Variants in GPC5 observed in about 807,000 individuals in gnomAD.
GPC5 encodes glypican-5.
Under a neutral mutation model 53.9 loss-of-function variants are expected in GPC5, and 47 were observed. That is an observed-to-expected ratio of 0.87 (90% CI 0.69 to 1.11). GPC5 has a LOEUF of 1.11. Ranked by LOEUF, GPC5 falls within the 50% of genes most tolerant of loss-of-function variation. The probability of loss-of-function intolerance (pLI) is 0.00; values close to 1 mark genes in which losing one functional copy is unlikely to be tolerated. For missense variants in GPC5, 748 were observed against 713.1 expected (o/e 1.05, Z -0.56); for synonymous variants, 286 against 263.3 (o/e 1.09, Z -0.84).
intron 4 of GPC5, among the ~76,000 whole-genome samples, chr13:91,731,328 C>A (rs925428759): frequency 1.3e-5 from 2 of 152,058 alleles, no homozygotes; most frequent in African/African-American, 4.8e-5. Context: ...GCCAAATAGG[C>A]GAGGTAAGTA....
intron 7 of GPC5, among the ~76,000 whole-genome samples, chr13:92,722,853 AG>A (rs1451686299): frequency 2.6e-5 from 4 of 151,882 alleles, no homozygotes; most frequent in African/African-American, 9.7e-5. Flanking sequence ...ACTAAATTTT[AG>A]ATTACTTGCC....
intron 6 of GPC5, among the ~76,000 whole-genome samples, chr13:92,012,264 C>A (rs1049970929): frequency 6.6e-6 from 1 of 151,750 alleles, no homozygotes; most frequent in Non-Finnish European, 1.5e-5. Context: ...TTTTCATTTT[C>A]TTTTTGCCTT....
chr13:92,384,219 G>A (rs1375418419), intron 7 of GPC5, among the ~76,000 whole-genome samples: 1 of 151,642 alleles, frequency 6.6e-6, no homozygotes, highest in Non-Finnish European at 1.5e-5. Flanking sequence ...ACAGGAAATG[G>A]GGCAGCTATT....
intron 7 of GPC5, among the ~76,000 whole-genome samples, chr13:92,486,427 C>T (rs1047345636): frequency 1.3e-5 from 2 of 152,082 alleles, no homozygotes; most frequent in African/African-American, 2.4e-5. Context: ...GAAACCACAT[C>T]GAACTTGCTT....
At chr13:92,026,280 A>G (rs1387234467) in intron 6 of GPC5, among the ~76,000 whole-genome samples, 1 of 151,934 alleles carries the variant, frequency 6.6e-6, no homozygotes, top group Non-Finnish European at 1.5e-5. Context: ...ATATTTCTAT[A>G]TTTTGCATAT....
intron 7 of GPC5, among the ~76,000 whole-genome samples, chr13:92,853,757 A>G (rs539307928): frequency 6.6e-6 from 1 of 152,304 alleles, no homozygotes; most frequent in East Asian, 1.9e-4. Context: ...CAGACACAAC[A>G]GAGAAAATGA....
At chr13:92,382,500 A>G (rs992751442) in intron 7 of GPC5, among the ~76,000 whole-genome samples, 6 of 152,154 alleles carry the variant, frequency 3.9e-5, no homozygotes, top group African/African-American at 1.4e-4. Context: ...CCTGTTACTG[A>G]TCACCATGAA....
At chr13:92,115,486 A>G (rs996595232) in intron 6 of GPC5, among the ~76,000 whole-genome samples, 1 of 152,178 alleles carries the variant, frequency 6.6e-6, no homozygotes, top group Non-Finnish European at 1.5e-5. Flanking sequence ...ACCTGGCAAC[A>G]GAATGAGACT....
intron 7 of GPC5, among the ~76,000 whole-genome samples, chr13:92,254,006 C>T: frequency 6.6e-6 from 1 of 152,112 alleles, no homozygotes; most frequent in South Asian, 2.1e-4. Context: ...GATTCCACCC[C>T]TAAGCTTGAA....
chr13:92,573,962 T>C (rs1292274993), intron 7 of GPC5, among the ~76,000 whole-genome samples: 7 of 152,156 alleles, frequency 4.6e-5, no homozygotes, highest in Non-Finnish European at 5.9e-5. Flanking sequence ...CGTCATCCAG[T>C]GAACAGCAAT....
chr13:92,007,846 T>G (rs9589402), intron 6 of GPC5, among the ~76,000 whole-genome samples: 4,587 of 152,214 alleles, frequency 0.03, 157 homozygotes, highest in African/African-American at 0.087. Flanking sequence ...CAAGATGAAA[T>G]AGGCACTGGC....
At chr13:92,829,167 T>C (rs1877959555) in intron 7 of GPC5, among the ~76,000 whole-genome samples, 1 of 152,126 alleles carries the variant, frequency 6.6e-6, no homozygotes, top group Non-Finnish European at 1.5e-5. Flanking sequence ...GGAATGCCCA[T>C]ATGTCAAGAT....
chr13:91,867,660 TTG>T (rs2039099401), intron 5 of GPC5, among the ~76,000 whole-genome samples: 1 of 152,180 alleles, frequency 6.6e-6, no homozygotes, highest in African/African-American at 2.4e-5. Flanking sequence ...TACTAAAAAG[TTG>T]TTTCTTAGAA....
At chr13:91,473,701 A>G (rs1882768380) in intron 2 of GPC5, among the ~76,000 whole-genome samples, 1 of 152,146 alleles carries the variant, frequency 6.6e-6, no homozygotes, top group Non-Finnish European at 1.5e-5. Context: ...CAGGCAGTTC[A>G]CCATTTTATT....
At chr13:92,855,108 A>G (rs1292474385) in intron 7 of GPC5, among the ~76,000 whole-genome samples, 2 of 152,008 alleles carry the variant, frequency 1.3e-5, no homozygotes, top group Non-Finnish European at 2.9e-5. Context: ...TTCAGAAGAA[A>G]AAGAATGTTT....
chr13:91,666,795 A>G (rs1246521890), intron 2 of GPC5, among the ~76,000 whole-genome samples: 5 of 152,120 alleles, frequency 3.3e-5, no homozygotes, highest in Non-Finnish European at 5.9e-5. Context: ...ATGCTAGTTT[A>G]TTTTAACTTA....
At chr13:92,495,955 A>G (rs1199412481) in intron 7 of GPC5, among the ~76,000 whole-genome samples, 1 of 151,998 alleles carries the variant, frequency 6.6e-6, no homozygotes, top group Non-Finnish European at 1.5e-5. Context: ...GCTTTTCAAC[A>G]ATTTTTTTTA....
chr13:92,223,150 C>T (rs766891500), intron 7 of GPC5, among the ~76,000 whole-genome samples: 13 of 152,158 alleles, frequency 8.5e-5, no homozygotes, highest in Middle Eastern at 3.4e-3. Context: ...TTTTCTTTTA[C>T]GATGAATATT....
intron 6 of GPC5, among the ~76,000 whole-genome samples, chr13:92,013,713 T>A (rs559195514): frequency 6.0e-4 from 92 of 152,300 alleles, no homozygotes; most frequent in African/African-American, 2.1e-3. Context: ...AAATTCCCTT[T>A]TTCCCAGCAA....
Sources: allele counts gnomAD v4.1 joint callset (sites outside exome capture counted in the v4.1 genomes callset), GRCh38; gene constraint gnomAD v4.1.1; transcripts MANE v1.5; gene names NCBI Gene and HGNC (gene_info 2026-07-23, HGNC 2026-07-21).